The following ZNF18 variants were observed in gnomAD, a reference collection of about 807,000 sequenced individuals.
ZNF18 encodes the protein heart development-specific gene 1 protein.
Under a neutral mutation model 58.1 loss-of-function variants are expected in ZNF18, and 42 were observed. The ratio of observed to expected loss-of-function variants is 0.72; its 90% confidence interval spans 0.56 to 0.93. The LOEUF (loss-of-function observed/expected upper bound fraction) is 0.93, where lower values mean the gene tolerates loss of function less well. Among genes scored for constraint, ZNF18 ranks in the 40% least tolerant of loss-of-function variants. ZNF18 has a pLI of 0.00. For synonymous variants in ZNF18, 231 were observed against 239.8 expected, an observed-to-expected ratio of 0.96 and a Z score of 0.34; for missense variants, 540 against 644.2, an observed-to-expected ratio of 0.84 and a Z score of 1.75.
chr17:12,019,454 C>T, the ZNF18 span, among the ~76,000 whole-genome samples: 2 of 151,804 alleles, frequency 1.3e-5, no homozygotes, highest in Non-Finnish European at 2.9e-5. Context: ...AATTAAGATG[C>T]CCTAGGAGCA....
the ZNF18 span, among the ~76,000 whole-genome samples, chr17:12,020,653 G>C: frequency 6.6e-6 from 1 of 152,010 alleles, no homozygotes; most frequent in African/African-American, 2.4e-5. Context: ...CGCAGCCCTG[G>C]TCCAAGACAG....
chr17:12,009,238 AT>A, the ZNF18 span: 97 of 145,326 alleles, frequency 6.7e-4, no homozygotes, highest in Non-Finnish European at 7.3e-4. Context: ...GGTGTAGACA[AT>A]TTTTTTTTTT....
Position 11,992,359 on chromosome 17 carries a change from G to A in ZNF18, c.387+84C>T, listed in dbSNP as rs1472145520. 9.3e-6 allele frequency: 14 copies of A among 1,509,946 alleles called. No individual in the cohort carries two copies. In the Admixed American group the frequency reaches 2.3e-4, roughly 25 times the overall value. 93.5% of individuals were successfully genotyped at this position (1,509,946 alleles called of 1,614,324 possible). ...GCCCCACCCATTTTGTGTCATAAGT[G>A]GTATCAGAAAAAAGACAACACACCT... On this transcript the variant is annotated intron_variant, in intron 2 of 6. Transcript: ENST00000580306.
intron 1 of ZNF18, among the ~76,000 whole-genome samples, chr17:11,994,818 G>A (rs1968359652): frequency 6.6e-6 from 1 of 152,096 alleles, no homozygotes; most frequent in African/African-American, 2.4e-5. Context: ...TCCAACCTGG[G>A]CGACAGAGCG....
At chr17:12,008,600 C>T in the ZNF18 span, among the ~76,000 whole-genome samples, 1 of 152,138 alleles carries the variant, frequency 6.6e-6, no homozygotes, top group Non-Finnish European at 1.5e-5. Flanking sequence ...CTCCAGAAGG[C>T]AGAGGAGTCA....
intron 6 of ZNF18, 85 bp downstream of exon 6, chr17:11,983,211 CT>C (rs1414054669): frequency 2.0e-5 from 20 of 991,092 alleles, no homozygotes; most frequent in Non-Finnish European, 2.9e-5. Context: ...TCTGCCTCCC[CT>C]GACCTCCTTC....
Position 11,984,124 on chromosome 17 carries a change from A to G in ZNF18, c.740T>C (p.Met247Thr). The G allele has an allele frequency of 1.2e-6, 2 of 1,610,296 alleles. No homozygotes were observed. Among genetic ancestry groups the G allele is most frequent in the Non-Finnish European group, 8.5e-7 (1 of 1,179,088 alleles). The part of the protein sequence containing the change: ...WDLMLETYGK[M>T]VSGAGISHPK... ...ACCCACACCCTCACCTCCTGAGACCATTTTCCCATAGGTCTCCAGCATGAG... is the reference window on the plus strand; with the variant it reads ...ACCCACACCCTCACCTCCTGAGACCGTTTTCCCATAGGTCTCCAGCATGAG... Residue 247 changes from methionine to threonine, a missense_variant, in exon 5 of 7, where the codon ATG (methionine) becomes ACG (threonine). Coordinates refer to ENST00000580306, the MANE Select transcript of ZNF18 (RefSeq NM_001303281.2).
In ZNF18 at chr17:11,983,400, A is replaced by G. The variant is rs1212005783; in HGVS notation, c.759T>C (p.Ile253=). The G allele has an allele frequency of 1.9e-6, 3 of 1,613,112 alleles. No individual in the cohort carries two copies. The Admixed American group carries it at 5.0e-5, about 27-fold the overall frequency. Residue 253 remains isoleucine (I), a synonymous_variant, in exon 6 of 7, where the codon ATT becomes ATC. Coordinates refer to ENST00000580306, the MANE Select transcript of ZNF18 (RefSeq NM_001303281.2). ...TAGTCAGGTCAGATTTGGGATGGGA[A>G]ATGCCTGCTATAGAGAGAAAGATGT... ...TYGKMVSGAG[I]SHPKSDLTNS...
At chr17:12,013,012 C>G in the ZNF18 span, among the ~76,000 whole-genome samples, 1 of 151,030 alleles carries the variant, frequency 6.6e-6, no homozygotes, top group Non-Finnish European at 1.5e-5. Flanking sequence ...AGTGCAGTGG[C>G]GCGATCTCGG....
intron 4 of ZNF18, among the ~76,000 whole-genome samples, chr17:11,985,644 G>C (rs1005408713): frequency 4.6e-5 from 7 of 152,154 alleles, no homozygotes; most frequent in African/African-American, 1.7e-4. Context: ...ATGAGAAAAG[G>C]ACTCTGTCAT....
At chr17:12,011,498 G>T in the ZNF18 span, among the ~76,000 whole-genome samples, 1 of 151,370 alleles carries the variant, frequency 6.6e-6, no homozygotes, top group Admixed American at 6.6e-5. Context: ...CGATTCTCTT[G>T]CCTCAGCCTC....
At chr17:11,982,919 C>CT (rs1967469009) in intron 6 of ZNF18, among the ~76,000 whole-genome samples, 1 of 152,076 alleles carries the variant, frequency 6.6e-6, no homozygotes, top group Non-Finnish European at 1.5e-5. Context: ...TCTAGATACT[C>CT]TAACTTCTTG....
At chr17:11,981,705 T>G (rs895871131) in intron 6 of ZNF18, among the ~76,000 whole-genome samples, 3 of 151,986 alleles carry the variant, frequency 2.0e-5, no homozygotes, top group African/African-American at 7.2e-5. Context: ...AAGGTCAGAC[T>G]ACTAGGAGCT....
chr17:11,978,845 T>A (rs1014839013), intron 6 of ZNF18, 101 bp from the exon 7 acceptor site: 1 of 684,238 alleles, frequency 1.5e-6, no homozygotes, highest in East Asian at 3.1e-5. Context: ...ATTTTCTTTT[T>A]TTTTTTTTTT....
At chr17:12,002,708 C>G in the ZNF18 span, among the ~76,000 whole-genome samples, 1 of 152,160 alleles carries the variant, frequency 6.6e-6, no homozygotes, top group Non-Finnish European at 1.5e-5. Flanking sequence ...TTTGGGCAAA[C>G]TATCATGGGA....
the ZNF18 span, among the ~76,000 whole-genome samples, chr17:12,019,150 G>A: frequency 4.6e-4 from 70 of 151,926 alleles, no homozygotes; most frequent in Non-Finnish European, 8.2e-4. Flanking sequence ...TTTTAGTAGA[G>A]ACAGGGTTTC....
chr17:11,990,822 C>T, intron 3 of ZNF18, 152 bp downstream of exon 3: 1 of 925,284 alleles, frequency 1.1e-6, no homozygotes, highest in Non-Finnish European at 1.7e-6. Flanking sequence ...GACTTTGACT[C>T]TCCAAACAAG....
At chr17:12,001,614 G>A (rs1236836520), upstream of ZNF18, among the ~76,000 whole-genome samples, 1 of 152,012 alleles carries the variant, frequency 6.6e-6, no homozygotes, top group Non-Finnish European at 1.5e-5. Flanking sequence ...GGGGGACACA[G>A]AGAGACTCCG....
the ZNF18 span, among the ~76,000 whole-genome samples, chr17:12,015,300 C>T: frequency 2.0e-5 from 3 of 152,186 alleles, no homozygotes; most frequent in Non-Finnish European, 2.9e-5. Context: ...ACATTTGATA[C>T]ATGCCTTTGC....
Sources: allele counts gnomAD v4.1 joint callset (sites outside exome capture counted in the v4.1 genomes callset), GRCh38; gene constraint gnomAD v4.1.1; transcripts MANE v1.5; gene names NCBI Gene and HGNC (gene_info 2026-07-23, HGNC 2026-07-21).